The following SLC25A21 variants were observed in gnomAD, a reference collection of about 807,000 sequenced individuals.
SLC25A21 encodes the protein mitochondrial 2-oxodicarboxylate carrier.
In SLC25A21, 47 loss-of-function variants were observed where a neutral mutation model predicts 43.8. The ratio of observed to expected loss-of-function variants is 1.07; its 90% CI spans 0.85 to 1.37. The LOEUF (loss-of-function observed/expected upper bound fraction) is 1.37, where lower values mean the gene tolerates loss of function less well. Ranked by LOEUF, SLC25A21 falls within the 40% of genes most tolerant of loss-of-function variation. SLC25A21 has a pLI of 0.00. For synonymous variants in SLC25A21, 131 were observed against 121.3 expected (o/e 1.08, Z -0.52); for missense variants, 352 against 350.2 (o/e 1.00, Z -0.04).
intron 6 of SLC25A21, among the ~76,000 whole-genome samples, chr14:36,720,437 C>T (rs1012984666): frequency 6.6e-6 from 1 of 152,284 alleles, no homozygotes; most frequent in Non-Finnish European, 1.5e-5. Context: ...GAACAGCAGA[C>T]ATGCTGCCTG....
intron 1 of SLC25A21, among the ~76,000 whole-genome samples, chr14:37,026,964 G>A (rs888205680): frequency 6.6e-6 from 1 of 151,956 alleles, no homozygotes; most frequent in Admixed American, 6.6e-5. Flanking sequence ...GAGAAAAAAC[G>A]GTGCTAACAA....
At chr14:36,943,225 C>A (rs1594709190) in intron 1 of SLC25A21, among the ~76,000 whole-genome samples, 1 of 152,154 alleles carries the variant, frequency 6.6e-6, no homozygotes, top group Admixed American at 6.5e-5. Context: ...GAGTCTCACT[C>A]TGTCACCCAG....
At chr14:36,750,424 T>G (rs1398671422) in intron 3 of SLC25A21, among the ~76,000 whole-genome samples, 1 of 152,194 alleles carries the variant, frequency 6.6e-6, no homozygotes. Flanking sequence ...AACCTAATCC[T>G]AATGTTCACA....
At chr14:36,926,314 G>A (rs191801733) in intron 1 of SLC25A21, among the ~76,000 whole-genome samples, 6 of 152,220 alleles carry the variant, frequency 3.9e-5, no homozygotes, top group Non-Finnish European at 1.5e-5. Context: ...TTAGCTGGAT[G>A]ACAATGAAAA....
At chr14:36,732,458 T>G (rs1594533396) in intron 4 of SLC25A21, among the ~76,000 whole-genome samples, 1 of 152,262 alleles carries the variant, frequency 6.6e-6, no homozygotes, top group East Asian at 1.9e-4. Context: ...CTTCTTTTCC[T>G]TTTGCTAACT....
chr14:37,010,114 A>G (rs1440029607), intron 1 of SLC25A21, among the ~76,000 whole-genome samples: 3 of 152,230 alleles, frequency 2.0e-5, no homozygotes, highest in African/African-American at 7.2e-5. Flanking sequence ...TTGGGAAAAC[A>G]TAACCACATA....
intron 1 of SLC25A21, among the ~76,000 whole-genome samples, chr14:36,917,432 T>G (rs1317634960): frequency 2.0e-5 from 3 of 152,118 alleles, no homozygotes; most frequent in African/African-American, 7.2e-5. Context: ...CTTTCCCACA[T>G]AGTTGTTTAT....
At chr14:36,877,407 T>C (rs1197718005) in intron 1 of SLC25A21, among the ~76,000 whole-genome samples, 1 of 152,224 alleles carries the variant, frequency 6.6e-6, no homozygotes, top group African/African-American at 2.4e-5. Flanking sequence ...ATAGATCAGA[T>C]GATTATACTT....
At chr14:36,783,114 A>T (rs940587707) in intron 3 of SLC25A21, among the ~76,000 whole-genome samples, 2 of 151,428 alleles carry the variant, frequency 1.3e-5, no homozygotes, top group Non-Finnish European at 2.9e-5. Flanking sequence ...TGATATGGTC[A>T]AGACGATGTG....
intron 1 of SLC25A21, among the ~76,000 whole-genome samples, chr14:36,902,447 AC>A: frequency 6.6e-6 from 1 of 151,928 alleles, no homozygotes; most frequent in Admixed American, 6.6e-5. Context: ...TAAAACACAC[AC>A]ACACACACAC....
chr14:36,797,541 T>C (rs953910626), intron 3 of SLC25A21, among the ~76,000 whole-genome samples: 2 of 152,248 alleles, frequency 1.3e-5, no homozygotes, highest in African/African-American at 4.8e-5. Context: ...ATAAGCAGTA[T>C]GCTTTAGATT....
At chr14:36,883,783 CGAT>C (rs1890828577) in intron 1 of SLC25A21, among the ~76,000 whole-genome samples, 1 of 151,856 alleles carries the variant, frequency 6.6e-6, no homozygotes, top group African/African-American at 2.4e-5. Context: ...AAAGAATCCA[CGAT>C]GATAATTTTT....
At chr14:36,967,621 A>G (rs1413366484) in intron 1 of SLC25A21, among the ~76,000 whole-genome samples, 1 of 152,216 alleles carries the variant, frequency 6.6e-6, no homozygotes, top group East Asian at 1.9e-4. Flanking sequence ...TTAGCCTTGT[A>G]TCTTTATGCC....
intron 1 of SLC25A21, among the ~76,000 whole-genome samples, chr14:37,050,287 A>G (rs1961676538): frequency 6.6e-6 from 1 of 152,244 alleles, no homozygotes; most frequent in African/African-American, 2.4e-5. Flanking sequence ...TACTCCATAC[A>G]TGGCATTTTC....
intron 5 of SLC25A21, among the ~76,000 whole-genome samples, chr14:36,727,666 C>T (rs761824728): frequency 4.7e-5 from 7 of 150,450 alleles, no homozygotes; most frequent in East Asian, 3.9e-4. Flanking sequence ...CCAGCCTGGG[C>T]GACAGATTGA....
intron 1 of SLC25A21, among the ~76,000 whole-genome samples, chr14:37,108,149 T>A (rs1962949515): frequency 6.6e-6 from 1 of 152,188 alleles, no homozygotes; most frequent in South Asian, 2.1e-4. Context: ...TGGCAGTATG[T>A]AGAAGAATGT....
intron 1 of SLC25A21, among the ~76,000 whole-genome samples, chr14:36,980,517 T>C (rs1043469906): frequency 2.6e-5 from 4 of 152,216 alleles, no homozygotes; most frequent in Non-Finnish European, 5.9e-5. Context: ...CTGATACCCT[T>C]TCTTCCAGTT....
At chr14:36,806,052 T>G (rs1888028342) in intron 3 of SLC25A21, among the ~76,000 whole-genome samples, 1 of 143,890 alleles carries the variant, frequency 6.9e-6, no homozygotes, top group Non-Finnish European at 1.5e-5. Flanking sequence ...CTGTCTCTAC[T>G]AAAGATATAA....
chr14:37,063,785 A>G (rs1480645834), intron 1 of SLC25A21, among the ~76,000 whole-genome samples: 1 of 152,124 alleles, frequency 6.6e-6, no homozygotes, highest in African/African-American at 2.4e-5. Context: ...AGCTAACCCA[A>G]AAGATGTTGG....
Sources: allele counts gnomAD v4.1 joint callset (sites outside exome capture counted in the v4.1 genomes callset), GRCh38; gene constraint gnomAD v4.1.1; transcripts MANE v1.5; gene names NCBI Gene and HGNC (gene_info 2026-07-23, HGNC 2026-07-21).